Variants in XRN1 observed in about 807,000 individuals in gnomAD.
The protein encoded by XRN1 is strand-exchange protein 1 homolog.
Under a neutral mutation model 222.3 loss-of-function variants are expected in XRN1, and 67 were observed. That is an observed-to-expected ratio of 0.30 (90% CI 0.25 to 0.37). The LOEUF is 0.37. Among genes scored for constraint, XRN1 ranks in the 10% least tolerant of loss-of-function variants. The pLI, the probability that XRN1 is intolerant of heterozygous loss-of-function variation, is 1.00. For missense variants in XRN1, 1,707 were observed against 2,000.2 expected, an observed-to-expected ratio of 0.85 and a Z score of 2.80; for synonymous variants, 643 against 652.4, an observed-to-expected ratio of 0.99 and a Z score of 0.22.
At chr3:142,347,055 T>C (rs79695866) in intron 33 of XRN1, among the ~76,000 whole-genome samples, 179 bp downstream of exon 33, 10,821 of 152,246 alleles carry the variant, frequency 0.071, 1,291 homozygotes, top group African/African-American at 0.25. Flanking sequence ...TGACAAAAAA[T>C]GTTCTAAATT....
intron 37 of XRN1, among the ~76,000 whole-genome samples, chr3:142,326,361 T>C (rs1000546182): frequency 7.9e-5 from 12 of 152,062 alleles, no homozygotes; most frequent in Non-Finnish European, 1.5e-4. Context: ...ATTGTAGAGA[T>C]CTTTCACTGC....
intron 23 of XRN1, among the ~76,000 whole-genome samples, chr3:142,378,444 A>G (rs2067205549): frequency 6.6e-6 from 1 of 152,204 alleles, no homozygotes; most frequent in South Asian, 2.1e-4. Context: ...GAAATAAATG[A>G]AGATATTCCA....
At chr3:142,368,459 T>C (rs951939274) in intron 27 of XRN1, among the ~76,000 whole-genome samples, 5 of 152,172 alleles carry the variant, frequency 3.3e-5, no homozygotes, top group Non-Finnish European at 5.9e-5. Context: ...TATATGCACA[T>C]ATATATTTTA....
chr3:142,338,508 A>G (rs1196609174), intron 33 of XRN1, among the ~76,000 whole-genome samples: 4 of 152,280 alleles, frequency 2.6e-5, no homozygotes, highest in East Asian at 1.9e-4. Flanking sequence ...TGCTGGCTTC[A>G]TAAGAGACCC....
chr3:142,370,031 A>T (rs1387730683), intron 27 of XRN1, among the ~76,000 whole-genome samples: 3 of 150,702 alleles, frequency 2.0e-5, no homozygotes, highest in Admixed American at 6.6e-5. Flanking sequence ...TGGGCAACAG[A>T]GAGAAACTCT....
intron 39 of XRN1, among the ~76,000 whole-genome samples, chr3:142,316,937 G>A (rs995477073): frequency 6.6e-6 from 1 of 151,976 alleles, no homozygotes; most frequent in African/African-American, 2.4e-5. Flanking sequence ...ATAAATTTGC[G>A]TATCTGAAAA....
At chr3:142,366,733 G>C (rs919378877) in intron 27 of XRN1, among the ~76,000 whole-genome samples, 3 of 152,042 alleles carry the variant, frequency 2.0e-5, no homozygotes, top group Non-Finnish European at 2.9e-5. Flanking sequence ...AACAGCAAAA[G>C]GAAAGACTAT....
chr3:142,444,866 G>T (rs180975526), intron 1 of XRN1, among the ~76,000 whole-genome samples: 17 of 151,742 alleles, frequency 1.1e-4, no homozygotes, highest in South Asian at 6.2e-4. Flanking sequence ...ATAATCCCAG[G>T]CTTCATTTCA....
At chr3:142,382,808 C>A (rs1345682583) in intron 22 of XRN1, among the ~76,000 whole-genome samples, 1 of 151,956 alleles carries the variant, frequency 6.6e-6, no homozygotes, top group Non-Finnish European at 1.5e-5. Flanking sequence ...CCTATATACA[C>A]AGATATACAA....
chr3:142,384,378 G>A (rs754375588), intron 21 of XRN1, 145 bp downstream of exon 21: 37 of 532,478 alleles, frequency 6.9e-5, no homozygotes, highest in Non-Finnish European at 1.0e-4. Flanking sequence ...CAAATAATAA[G>A]TTATTTTGTA....
At chr3:142,337,787 C>T (rs180739207) in intron 33 of XRN1, among the ~76,000 whole-genome samples, 1 of 152,264 alleles carries the variant, frequency 6.6e-6, no homozygotes, top group Admixed American at 6.5e-5. Context: ...AGATTTATCT[C>T]AAGTTGTTAG....
chr3:142,416,637 T>C (rs997811092), intron 13 of XRN1, among the ~76,000 whole-genome samples: 1 of 152,242 alleles, frequency 6.6e-6, no homozygotes, highest in African/African-American at 2.4e-5. Context: ...ATTAAATCTT[T>C]ACATTAACTA....
At chr3:142,428,249 A>G (rs1447833598) in intron 2 of XRN1, among the ~76,000 whole-genome samples, 4 of 151,986 alleles carry the variant, frequency 2.6e-5, no homozygotes, top group Admixed American at 2.0e-4. Context: ...AAAAAGAATT[A>G]GCCGGGTGTG....
At chr3:142,404,797 A>G in intron 16 of XRN1, 110 bp downstream of exon 16, 1 of 1,017,782 alleles carries the variant, frequency 9.8e-7, no homozygotes, top group South Asian at 1.5e-5. Flanking sequence ...ACTGTCATAA[A>G]CTATTTGCTA....
chr3:142,399,949 TAATA>T (rs2068067547), intron 19 of XRN1, among the ~76,000 whole-genome samples: 1 of 151,690 alleles, frequency 6.6e-6, no homozygotes, highest in Admixed American at 6.6e-5. Flanking sequence ...TTATATGAAA[TAATA>T]AAAAAACGAC....
chr3:142,323,603 C>T (rs2065426010), intron 37 of XRN1, among the ~76,000 whole-genome samples: 1 of 152,158 alleles, frequency 6.6e-6, no homozygotes, highest in South Asian at 2.1e-4. Flanking sequence ...CAAAAAAACA[C>T]GTATCACTAG....
intron 15 of XRN1, among the ~76,000 whole-genome samples, chr3:142,405,887 G>A (rs1460052748): frequency 2.0e-5 from 3 of 152,012 alleles, no homozygotes; most frequent in South Asian, 2.1e-4. Flanking sequence ...ATAATTTAGT[G>A]TGATAAAGTT....
At chr3:142,315,349 G>A (rs1039042503) in intron 39 of XRN1, among the ~76,000 whole-genome samples, 8 of 151,870 alleles carry the variant, frequency 5.3e-5, no homozygotes, top group African/African-American at 1.7e-4. Context: ...CTTGAGATAG[G>A]CCTTCCAAAG....
chr3:142,419,397 A>T (rs921257177), intron 10 of XRN1, among the ~76,000 whole-genome samples: 4 of 152,210 alleles, frequency 2.6e-5, no homozygotes, highest in African/African-American at 9.7e-5. Flanking sequence ...TCCAGTGAGG[A>T]AGAGCTAAGC....
Sources: gnomAD v4.1 joint callset for allele counts (sites outside exome capture counted in the v4.1 genomes callset) on GRCh38, gnomAD v4.1.1 for gene constraint, MANE v1.5 for transcripts, NCBI Gene and HGNC (gene_info 2026-07-23, HGNC 2026-07-21) for gene names.